Variants in CHRM3 observed in about 807,000 individuals in gnomAD.
CHRM3 encodes muscarinic acetylcholine receptor M3.
Under a neutral mutation model 41.8 loss-of-function variants are expected in CHRM3, and 11 were observed. The observed-to-expected ratio is 0.26, with a 90% CI of 0.17 to 0.44. The LOEUF (loss-of-function observed/expected upper bound fraction) is 0.44. CHRM3 is among the 20% of genes least tolerant of loss of function. The probability of loss-of-function intolerance (pLI) is 1.00; values close to 1 mark genes in which losing one functional copy is unlikely to be tolerated. For missense variants in CHRM3, 571 were observed against 745.4 expected, an observed-to-expected ratio of 0.77 and a Z score of 2.72; for synonymous variants, 297 against 301.4, an observed-to-expected ratio of 0.99 and a Z score of 0.15.
chr1:239,555,074 T>G (rs1660233313), intron 3 of CHRM3, among the ~76,000 whole-genome samples: 1 of 152,186 alleles, frequency 6.6e-6, no homozygotes, highest in Non-Finnish European at 1.5e-5. Flanking sequence ...CTAAAATATT[T>G]GTAGGTGTTG....
intron 3 of CHRM3, chr1:239,606,073 A>G (rs2148716025): frequency 6.6e-6 from 1 of 152,318 alleles, no homozygotes; most frequent in African/African-American, 2.4e-5. Context: ...GGAAGCAGAG[A>G]AGAGAGTCCA....
intron 2 of CHRM3, among the ~76,000 whole-genome samples, chr1:239,535,186 A>G (rs938275345): frequency 2.0e-5 from 3 of 152,126 alleles, no homozygotes; most frequent in South Asian, 2.1e-4. Flanking sequence ...GGACAAAGAA[A>G]AACTTGGGGA....
chr1:239,733,967 T>A (rs1011306709), intron 5 of CHRM3, among the ~76,000 whole-genome samples: 1 of 152,088 alleles, frequency 6.6e-6, no homozygotes, highest in South Asian at 2.1e-4. Flanking sequence ...TAAGAATTTT[T>A]TAAAGGACAG....
chr1:239,884,974 C>T (rs1466308655), intron 6 of CHRM3, among the ~76,000 whole-genome samples: 1 of 152,126 alleles, frequency 6.6e-6, no homozygotes, highest in Non-Finnish European at 1.5e-5. Context: ...CCTTGACTCC[C>T]TTCTCACCAG....
chr1:239,586,129 A>C (rs946277874), intron 3 of CHRM3, among the ~76,000 whole-genome samples: 1 of 152,144 alleles, frequency 6.6e-6, no homozygotes, highest in African/African-American at 2.4e-5. Context: ...AGGCCCAGTA[A>C]CCTCTGACAT....
At chr1:239,629,986 T>A (rs74150621) in intron 3 of CHRM3, among the ~76,000 whole-genome samples, 35,989 of 152,136 alleles carry the variant, frequency 0.24, 4,546 homozygotes, top group South Asian at 0.27. Context: ...TCTAAATGAA[T>A]GTTACATGCA....
chr1:239,635,686 C>T (rs1405333807), intron 4 of CHRM3, among the ~76,000 whole-genome samples: 4 of 152,168 alleles, frequency 2.6e-5, no homozygotes, highest in Non-Finnish European at 5.9e-5. Context: ...TAAGACATGA[C>T]GAATTCTGTC....
chr1:239,642,412 G>A (rs1671264306), intron 4 of CHRM3, among the ~76,000 whole-genome samples: 2 of 152,122 alleles, frequency 1.3e-5, no homozygotes, highest in South Asian at 4.1e-4. Flanking sequence ...CCAATCAGAT[G>A]TAGATTTGGT....
At chr1:239,517,383 G>A (rs1006889506) in intron 2 of CHRM3, among the ~76,000 whole-genome samples, 1 of 152,178 alleles carries the variant, frequency 6.6e-6, no homozygotes, top group Non-Finnish European at 1.5e-5. Context: ...AATTCACACA[G>A]CAGATATGTG....
At position 239,743,974 on chromosome 1, in the gene CHRM3, G is replaced by GTT. The variant is rs748303241; in HGVS notation, c.-147+65700_-147+65701dup. On this transcript the variant is annotated intron_variant, in intron 5 of 6. Coordinates refer to ENST00000676153, the MANE Select transcript of CHRM3 (RefSeq NM_001375978.1). ...CATGCCCGGCTAATTTTTTTTTTAA[G>GTT]TTTTTTTTTTTTTTTGGTAGAGACA... is the stretch of plus-strand genomic sequence containing the variant. 4.7e-3 allele frequency among the ~76,000 whole-genome samples: 596 copies of GTT among 128,014 alleles called. 9 individuals are homozygous for GTT. The highest frequency in any genetic ancestry group is 0.032 in the Admixed American group (396 of 12,528). The allele number at this position is 128,014 out of a possible 152,430, so 84.0% of individuals were successfully genotyped here. A position where few individuals can be genotyped will look rare whatever the true frequency, so the allele number is the denominator to read the frequency against.
At chr1:239,842,210 CT>C (rs11294705) in intron 6 of CHRM3, among the ~76,000 whole-genome samples, 66,376 of 127,784 alleles carry the variant, frequency 0.52, 14,453 homozygotes, top group Middle Eastern at 0.57. Context: ...ACATGTACTT[CT>C]TTTTTTTTTT....
In CHRM3 at chr1:239,387,888, G is replaced by T. The variant is rs775808720; in HGVS notation, c.-521+661G>T. 2.6e-5 allele frequency among the ~76,000 whole-genome samples: 4 copies of T among 152,168 alleles called. No homozygotes were observed. The highest frequency in any genetic ancestry group is 7.2e-5 in the African/African-American group (3 of 41,430). On this transcript the variant is annotated intron_variant, in intron 1 of 6. Transcript: ENST00000676153. This position sits in a 1 kb window ranked among gnomAD's most constrained non-coding sequence, Gnocchi z 5.1. Reference sequence around the variant, plus strand: ...GGAGAGTCTGCACTCGCGAGGCAGCGGCCGCTGGACTGCACCGGTTCTCCT... The same window carrying T: ...GGAGAGTCTGCACTCGCGAGGCAGCTGCCGCTGGACTGCACCGGTTCTCCT...
intron 6 of CHRM3, among the ~76,000 whole-genome samples, chr1:239,851,885 C>A (rs1041470304): frequency 6.6e-6 from 1 of 152,114 alleles, no homozygotes; most frequent in Non-Finnish European, 1.5e-5. Context: ...TAGAACTGGG[C>A]TTCTCAAAGC....
chr1:239,540,987 G>T (rs935617439), intron 2 of CHRM3, among the ~76,000 whole-genome samples: 1 of 152,136 alleles, frequency 6.6e-6, no homozygotes, highest in African/African-American at 2.4e-5. Flanking sequence ...TTGTTACGTG[G>T]AAATGCATAG....
intron 2 of CHRM3, among the ~76,000 whole-genome samples, chr1:239,519,930 G>A (rs985839475): frequency 6.6e-6 from 1 of 151,760 alleles, no homozygotes; most frequent in African/African-American, 2.4e-5. Flanking sequence ...TGTATTTTTA[G>A]TAGAGACGGG....
intron 4 of CHRM3, among the ~76,000 whole-genome samples, chr1:239,640,313 T>C (rs1433891172): frequency 6.6e-6 from 1 of 152,204 alleles, no homozygotes; most frequent in Non-Finnish European, 1.5e-5. Flanking sequence ...TCTTTTTCTA[T>C]TGATTGGAAT....
chr1:239,537,427 C>T lies in CHRM3; in HGVS notation c.-421-8214C>T, dbSNP rs566006040. ...TGGGAACAAAGGGAGGTGTCACTTA[C>T]TTTAAACAGCCAGATTACTATCGAG... is the stretch of plus-strand genomic sequence containing the variant. On this transcript the variant is annotated intron_variant, in intron 2 of 6. Transcript: ENST00000676153. Among the ~76,000 whole-genome samples the T allele has an allele frequency of 4.6e-5, 7 of 152,142 alleles. 1 individual carries two copies. In the East Asian group the frequency reaches 1.4e-3, roughly 30 times the overall value.
chr1:239,656,256 A>T, intron 4 of CHRM3, among the ~76,000 whole-genome samples: 1 of 152,066 alleles, frequency 6.6e-6, no homozygotes, highest in East Asian at 1.9e-4. Flanking sequence ...TCGACATCAC[A>T]CAAGATACTC....
intron 4 of CHRM3, among the ~76,000 whole-genome samples, chr1:239,654,698 C>T: frequency 6.6e-6 from 1 of 152,150 alleles, no homozygotes; most frequent in Non-Finnish European, 1.5e-5. Context: ...CACGTCCAGC[C>T]CACATACTGT....
Sources: gnomAD v4.1 joint callset for allele counts (sites outside exome capture counted in the v4.1 genomes callset) on GRCh38, gnomAD v4.1.1 for gene constraint, Gnocchi (gnomAD v3.1) non-coding constraint, MANE v1.5 for transcripts, NCBI Gene and HGNC (gene_info 2026-07-23, HGNC 2026-07-21) for gene names.